Variants in PHACTR1 observed in about 807,000 individuals in gnomAD.
PHACTR1 encodes RPEL repeat containing 1.
PHACTR1 carries 16 observed loss-of-function variants against 69.2 expected under a neutral mutation model. The observed-to-expected ratio is 0.23, with a 90% CI of 0.16 to 0.35. PHACTR1 has a LOEUF of 0.35. PHACTR1 is among the 10% of genes least tolerant of loss of function. The pLI is 1.00. For missense variants in PHACTR1, 510 were observed against 734.7 expected (o/e 0.69, Z 3.54); for synonymous variants, 312 against 284.5 (o/e 1.10, Z -0.97).
In PHACTR1 at chr6:12,718,829, T is replaced by C; in HGVS notation, c.85T>C (p.Tyr29His). ...LDVESAQRFF[Y>H]SQGAQARRAT... ...TGTTGAGTCAGCTCAAAGATTCTTC[T>C]ACAGTCAAGGAGCTCAAGGTAATAA... Residue 29 changes from tyrosine to histidine, a missense_variant, in exon 3 of 15, where the codon TAC (tyrosine) becomes CAC (histidine). Physicochemically the swap from Tyr to His is moderately conservative, Grantham distance 83 (BLOSUM62 2). Coordinates refer to ENST00000332995, the MANE Select transcript of PHACTR1 (RefSeq NM_030948.6). The C allele has an allele frequency of 6.4e-7, 1 of 1,567,464 alleles. No homozygotes were observed. The highest frequency in any genetic ancestry group is 8.7e-7 in the Non-Finnish European group (1 of 1,153,190).
chr6:12,758,093 C>A (rs1767566874), intron 4 of PHACTR1, among the ~76,000 whole-genome samples: 1 of 150,822 alleles, frequency 6.6e-6, no homozygotes, highest in African/African-American at 2.4e-5. Flanking sequence ...GCCTGGGAGA[C>A]AAAGTGAAAC....
intron 10 of PHACTR1, chr6:13,272,412 G>A (rs1187176642): frequency 1.7e-5 from 3 of 172,162 alleles, no homozygotes; most frequent in African/African-American, 4.8e-5. Context: ...ACATGTCCCC[G>A]GGGCCACAGA....
chr6:13,000,190 A>G (rs1173202002), intron 4 of PHACTR1, among the ~76,000 whole-genome samples: 3 of 152,162 alleles, frequency 2.0e-5, no homozygotes, highest in Admixed American at 6.5e-5. Flanking sequence ...ACGACAAGGC[A>G]TGGTGTTGTT....
At chr6:12,799,239 A>G (rs1322259565) in intron 4 of PHACTR1, among the ~76,000 whole-genome samples, 1 of 152,182 alleles carries the variant, frequency 6.6e-6, no homozygotes, top group Non-Finnish European at 1.5e-5. Flanking sequence ...CGGATATGTC[A>G]TCATGATCTA....
chr6:12,875,371 C>T (rs1400537682), intron 4 of PHACTR1, among the ~76,000 whole-genome samples: 6 of 152,200 alleles, frequency 3.9e-5, no homozygotes, highest in Admixed American at 2.6e-4. Context: ...CACTTAAACT[C>T]GTCACCTCGA....
chr6:13,042,012 C>CA (rs1489282168), intron 4 of PHACTR1, among the ~76,000 whole-genome samples: 1 of 151,788 alleles, frequency 6.6e-6, no homozygotes, highest in Non-Finnish European at 1.5e-5. Flanking sequence ...TGGTGTCCCA[C>CA]AAAAAAACAC....
Position 12,758,111 on chromosome 6 carries a change from C to CA in PHACTR1, c.250+8329dup, listed in dbSNP as rs950943382. 4.0e-5 allele frequency among the ~76,000 whole-genome samples: 6 copies of CA among 150,514 alleles called. No individual in the cohort carries two copies. In the East Asian group the frequency reaches 9.8e-4, roughly 25 times the overall value. ...TGGGAGACAAAGTGAAACTCTGTCT[C>CA]AAAAAAAATGAAAAAGCAGTTATGC... On this transcript the variant is annotated intron_variant, in intron 4 of 14. Coordinates refer to ENST00000332995, the MANE Select transcript of PHACTR1 (RefSeq NM_030948.6).
At chr6:12,763,740 T>C (rs1768294862) in intron 4 of PHACTR1, among the ~76,000 whole-genome samples, 1 of 152,144 alleles carries the variant, frequency 6.6e-6, no homozygotes, top group African/African-American at 2.4e-5. Context: ...TATACACAAA[T>C]ATGAATGTAA....
chr6:13,211,105 C>T (rs1766768057), intron 8 of PHACTR1, among the ~76,000 whole-genome samples: 1 of 151,910 alleles, frequency 6.6e-6, no homozygotes, highest in African/African-American at 2.4e-5. Context: ...TGTGGAACAA[C>T]TTTTTATTTG....
At chr6:12,969,699 C>T (rs6906726) in intron 4 of PHACTR1, among the ~76,000 whole-genome samples, 3,265 of 152,286 alleles carry the variant, frequency 0.021, 128 homozygotes, top group African/African-American at 0.076. Flanking sequence ...CAGTGGCTCA[C>T]GCCTGTAATC....
chr6:13,139,644 G>T (rs1255048316), intron 5 of PHACTR1, among the ~76,000 whole-genome samples: 1 of 152,110 alleles, frequency 6.6e-6, no homozygotes, highest in African/African-American at 2.4e-5. Flanking sequence ...AGCTAAGCAG[G>T]TTTCCTCATT....
At chr6:13,204,837 G>A (rs1219598594) in intron 7 of PHACTR1, among the ~76,000 whole-genome samples, 4 of 152,218 alleles carry the variant, frequency 2.6e-5, no homozygotes, top group East Asian at 1.9e-4. Flanking sequence ...ATTAAGGTTG[G>A]CAGCAGTAAA....
intron 5 of PHACTR1, among the ~76,000 whole-genome samples, chr6:13,120,348 A>C (rs943934050): frequency 6.6e-6 from 1 of 152,114 alleles, no homozygotes; most frequent in Non-Finnish European, 1.5e-5. Context: ...TTGAATAACA[A>C]GGGGCCCCAC....
intron 5 of PHACTR1, among the ~76,000 whole-genome samples, chr6:13,120,592 C>T (rs542556219): frequency 1.2e-4 from 19 of 152,172 alleles, no homozygotes; most frequent in Admixed American, 6.5e-4. Context: ...CTTTTCTTTT[C>T]GCTAGCCCTT....
rs1379311564 is a variant in PHACTR1 at position 12,984,299 on chromosome 6, T to C, written c.251-69066T>C. 2.6e-5 allele frequency among the ~76,000 whole-genome samples: 4 copies of C among 152,256 alleles called. No homozygotes were observed. In the East Asian group the frequency reaches 5.8e-4, roughly 22 times the overall value. On this transcript the variant is annotated intron_variant, in intron 4 of 14. Coordinates refer to ENST00000332995, the MANE Select transcript of PHACTR1 (RefSeq NM_030948.6). ...AATTTAGATTAAAACCTAACTAGTC[T>C]GGGGCCATATAGTCAAGAGTGTGGC...
intron 5 of PHACTR1, among the ~76,000 whole-genome samples, chr6:13,147,383 A>C (rs1823569097): frequency 6.6e-6 from 1 of 152,232 alleles, no homozygotes; most frequent in African/African-American, 2.4e-5. Context: ...ATCTTCTCTC[A>C]GTTGCTTCTG....
chr6:12,833,994 C>A (rs1352777298), intron 4 of PHACTR1, among the ~76,000 whole-genome samples: 3 of 152,082 alleles, frequency 2.0e-5, no homozygotes, highest in African/African-American at 7.2e-5. Context: ...TTGGAGCTGC[C>A]CCCCTTAGAG....
chr6:12,810,542 C>T (rs902067752), intron 4 of PHACTR1, among the ~76,000 whole-genome samples: 4 of 152,200 alleles, frequency 2.6e-5, no homozygotes, highest in Non-Finnish European at 5.9e-5. Flanking sequence ...CAACCTGAGA[C>T]CCCATCCTGA....
chr6:13,218,008 T>C (rs1767943354), intron 8 of PHACTR1, among the ~76,000 whole-genome samples: 1 of 152,278 alleles, frequency 6.6e-6, no homozygotes, highest in African/African-American at 2.4e-5. Flanking sequence ...TGAAGTTTAA[T>C]TTGGCTTTCA....
Sources: gnomAD v4.1 joint callset for allele counts (sites outside exome capture counted in the v4.1 genomes callset) on GRCh38, gnomAD v4.1.1 for gene constraint, MANE v1.5 for transcripts, NCBI Gene and HGNC (gene_info 2026-07-23, HGNC 2026-07-21) for gene names.